IMMP2L: variants seen among roughly 807,000 people sequenced by gnomAD.
IMMP2L encodes the protein inner mitochondrial membrane peptidase subunit 2.
IMMP2L carries 18 observed loss-of-function variants against 19.3 expected under a neutral mutation model. The observed-to-expected ratio is 0.93, with a 90% confidence interval of 0.64 to 1.38. The LOEUF (loss-of-function observed/expected upper bound fraction) is 1.38. IMMP2L is among the 40% of genes most tolerant of loss of function. IMMP2L has a pLI of 0.00. For missense variants in IMMP2L, 233 were observed against 218.2 expected (o/e 1.07, Z -0.43); for synonymous variants, 76 against 73.0 (o/e 1.04, Z -0.21).
chr7:110,748,183 C>T (rs191956494), intron 5 of IMMP2L, among the ~76,000 whole-genome samples: 5 of 152,216 alleles, frequency 3.3e-5, no homozygotes, highest in Admixed American at 3.3e-4. Context: ...AGGAACCCAA[C>T]TTATAATGGA....
chr7:111,241,729 G>GTA (rs1291493568), intron 3 of IMMP2L, among the ~76,000 whole-genome samples: 3 of 150,918 alleles, frequency 2.0e-5, no homozygotes, highest in Non-Finnish European at 3.0e-5. Flanking sequence ...TATAAAGTGT[G>GTA]TATATATATT....
intron 5 of IMMP2L, among the ~76,000 whole-genome samples, chr7:110,759,775 T>G (rs971154891): frequency 6.6e-6 from 1 of 152,160 alleles, no homozygotes; most frequent in Non-Finnish European, 1.5e-5. Flanking sequence ...AATGAACTAC[T>G]GAAGTTATAG....
intron 5 of IMMP2L, among the ~76,000 whole-genome samples, chr7:110,818,314 C>G (rs1336290874): frequency 2.0e-5 from 3 of 152,044 alleles, no homozygotes; most frequent in African/African-American, 2.4e-5. Flanking sequence ...GATATGAACA[C>G]ACAATTCTCA....
intron 3 of IMMP2L, among the ~76,000 whole-genome samples, chr7:111,485,607 A>AC (rs1842578699): frequency 1.4e-5 from 2 of 147,046 alleles, no homozygotes; most frequent in African/African-American, 5.1e-5. Context: ...CAAAAAAAAA[A>AC]AAAAAAAAAA....
intron 5 of IMMP2L, among the ~76,000 whole-genome samples, chr7:110,766,108 C>G (rs1187000423): frequency 6.6e-6 from 1 of 152,056 alleles, no homozygotes; most frequent in Non-Finnish European, 1.5e-5. Flanking sequence ...TTTGTTGTGA[C>G]TGTATTGGTT....
intron 3 of IMMP2L, among the ~76,000 whole-genome samples, chr7:111,480,497 C>T (rs1390335577): frequency 1.3e-5 from 2 of 149,154 alleles, no homozygotes; most frequent in African/African-American, 5.0e-5. Context: ...AAAAATGTCA[C>T]TTGTACATAT....
At chr7:110,697,949 G>C (rs1313186199) in intron 5 of IMMP2L, among the ~76,000 whole-genome samples, 1 of 152,168 alleles carries the variant, frequency 6.6e-6, no homozygotes, top group African/African-American at 2.4e-5. Context: ...TAGTTTGAGA[G>C]ACTTAAATAT....
chr7:111,196,082 C>A (rs1809468773), intron 3 of IMMP2L, among the ~76,000 whole-genome samples: 9 of 152,020 alleles, frequency 5.9e-5, no homozygotes, highest in Admixed American at 5.9e-4. Flanking sequence ...CTGTGTTGCC[C>A]AGACTGGTCT....
chr7:111,240,179 T>C (rs2129629046), intron 3 of IMMP2L, among the ~76,000 whole-genome samples: 1 of 152,096 alleles, frequency 6.6e-6, no homozygotes. Flanking sequence ...ACTGCTATGT[T>C]TCCATTTCTT....
intron 3 of IMMP2L, among the ~76,000 whole-genome samples, chr7:111,356,597 G>A (rs577388309): frequency 2.6e-5 from 4 of 152,168 alleles, no homozygotes; most frequent in African/African-American, 9.6e-5. Context: ...TTTTAGTGTA[G>A]CACTGAAAAG....
intron 3 of IMMP2L, among the ~76,000 whole-genome samples, chr7:110,987,127 T>C (rs1821944674): frequency 6.6e-6 from 1 of 152,170 alleles, no homozygotes; most frequent in Non-Finnish European, 1.5e-5. Context: ...TATTTACCTA[T>C]AGTATATGGA....
intron 3 of IMMP2L, among the ~76,000 whole-genome samples, chr7:110,974,029 C>T (rs1206165121): frequency 6.6e-6 from 1 of 152,116 alleles, no homozygotes; most frequent in Non-Finnish European, 1.5e-5. Context: ...AAGTCTCTCC[C>T]AGACACAGGT....
chr7:110,716,185 A>G (rs1416290947), intron 5 of IMMP2L, among the ~76,000 whole-genome samples: 3 of 151,924 alleles, frequency 2.0e-5, no homozygotes, highest in African/African-American at 4.8e-5. Context: ...AGGACTATGG[A>G]TATCCTTAGA....
intron 3 of IMMP2L, among the ~76,000 whole-genome samples, chr7:111,484,049 T>A (rs948079220): frequency 6.6e-6 from 1 of 152,194 alleles, no homozygotes; most frequent in Non-Finnish European, 1.5e-5. Flanking sequence ...GTACAAAGCT[T>A]ACAAGCTTTT....
At chr7:111,026,535 G>A (rs1184621530) in intron 3 of IMMP2L, among the ~76,000 whole-genome samples, 1 of 152,044 alleles carries the variant, frequency 6.6e-6, no homozygotes, top group African/African-American at 2.4e-5. Flanking sequence ...CTCTCCCTGT[G>A]CCAATTATGG....
At chr7:111,064,768 G>A (rs936790419) in intron 3 of IMMP2L, among the ~76,000 whole-genome samples, 1 of 152,174 alleles carries the variant, frequency 6.6e-6, no homozygotes, top group Non-Finnish European at 1.5e-5. Context: ...TAAGAAGGGG[G>A]TTACAGTGTT....
chr7:111,257,645 G>A (rs1421759130), intron 3 of IMMP2L, among the ~76,000 whole-genome samples: 1 of 151,912 alleles, frequency 6.6e-6, no homozygotes, highest in East Asian at 1.9e-4. Context: ...ACCTTTCTTT[G>A]CCCTACTGAT....
At position 110,815,673 on chromosome 7, in the gene IMMP2L, C is replaced by A. The variant is rs543471020; in HGVS notation, c.408+70920G>T. On this transcript the variant is annotated intron_variant, in intron 5 of 5. Coordinates refer to ENST00000405709, the MANE Select transcript of IMMP2L (RefSeq NM_032549.4). ...GTTACTGGTCTATTCAGAGATTCAACTTCTTCCTGGTTTAGTCTTGGGAGG... is the reference window on the plus strand; with the variant it reads ...GTTACTGGTCTATTCAGAGATTCAAATTCTTCCTGGTTTAGTCTTGGGAGG... Among the ~76,000 whole-genome samples the A allele has an allele frequency of 1.9e-3, 292 of 152,242 alleles. 8 individuals are homozygous for A. The East Asian group carries it at 0.054, about 28-fold the overall frequency.
intron 3 of IMMP2L, among the ~76,000 whole-genome samples, chr7:111,310,435 T>G (rs1431868730): frequency 2.0e-5 from 3 of 152,044 alleles, no homozygotes; most frequent in African/African-American, 7.2e-5. Flanking sequence ...AATTAACTTT[T>G]ATGTTAAAGT....
Sources: allele counts gnomAD v4.1 joint callset (sites outside exome capture counted in the v4.1 genomes callset), GRCh38; gene constraint gnomAD v4.1.1; transcripts MANE v1.5; gene names NCBI Gene and HGNC (gene_info 2026-07-23, HGNC 2026-07-21).